Variants in PAPPA observed in about 807,000 individuals in gnomAD.
PAPPA encodes the protein pappalysin-1.
In PAPPA, 60 loss-of-function variants were observed where a neutral mutation model predicts 164.0. The ratio of observed to expected loss-of-function variants is 0.37; its 90% CI spans 0.30 to 0.45. The LOEUF (loss-of-function observed/expected upper bound fraction) is 0.45. PAPPA is among the 20% of genes least tolerant of loss of function. The pLI, the probability that PAPPA is intolerant of heterozygous loss-of-function variation, is 1.00. For synonymous variants in PAPPA, 875 were observed against 814.1 expected (o/e 1.07, Z -1.27); for missense variants, 1,782 against 2,087.3 (o/e 0.85, Z 2.85).
chr9:116,193,239 G>T lies in PAPPA; in HGVS notation c.1478+5023G>T, dbSNP rs189298627. Among the ~76,000 whole-genome samples, 7 of 152,120 alleles carry T rather than the reference G, an allele frequency of 4.6e-5. No individual in the cohort carries two copies. The East Asian group carries it at 1.4e-3, about 30-fold the overall frequency. On this transcript the variant is annotated intron_variant, in intron 2 of 21. Transcript: ENST00000328252. ...TGTTGTTGGAAGTCTCACAAAAGGGGCTGCGATAAGTCTTGAGGTCACCCC... is the reference window on the plus strand; with the variant it reads ...TGTTGTTGGAAGTCTCACAAAAGGGTCTGCGATAAGTCTTGAGGTCACCCC...
At chr9:116,172,719 A>G (rs1182899621) in intron 1 of PAPPA, among the ~76,000 whole-genome samples, 1 of 152,104 alleles carries the variant, frequency 6.6e-6, no homozygotes, top group Non-Finnish European at 1.5e-5. Flanking sequence ...TCAGTTCCTC[A>G]GCATCTTTTA....
chr9:116,360,956 T>G (rs1188402320), intron 17 of PAPPA, among the ~76,000 whole-genome samples: 1 of 152,196 alleles, frequency 6.6e-6, no homozygotes, highest in East Asian at 1.9e-4. Context: ...CAGGATGGGT[T>G]GTGCCAGATA....
chr9:116,339,387 G>A (rs182969769), intron 13 of PAPPA, among the ~76,000 whole-genome samples: 2 of 152,170 alleles, frequency 1.3e-5, no homozygotes, highest in African/African-American at 4.8e-5. Flanking sequence ...CTTGAACCCT[G>A]CAGGCTACTG....
chr9:116,322,269 G>T (rs1845866037), intron 10 of PAPPA, among the ~76,000 whole-genome samples: 1 of 152,084 alleles, frequency 6.6e-6, no homozygotes, highest in African/African-American at 2.4e-5. Context: ...AATTAGCTGG[G>T]TGTGGTGGCA....
intron 1 of PAPPA, among the ~76,000 whole-genome samples, chr9:116,155,416 C>A (rs1564168646): frequency 6.6e-6 from 1 of 152,250 alleles, no homozygotes; most frequent in Non-Finnish European, 1.5e-5. Flanking sequence ...CTCCAGCATC[C>A]ATTTTCCCCC....
Position 116,367,748 on chromosome 9 carries a change from G to A in PAPPA, c.4599G>A (p.Arg1533=), listed in dbSNP as rs1439062261. Residue 1533 remains arginine (R), a synonymous_variant, in exon 19 of 22, where the codon CGG becomes CGA. Coordinates refer to ENST00000328252, the MANE Select transcript of PAPPA (RefSeq NM_002581.5). ...RDIPHWLNPT[R]VERVVCTAGL... ...TCCCCCACTGGCTGAACCCCACACG[G>A]GTAGAGGTGAGTGACCAGGGACATC... is the stretch of plus-strand genomic sequence containing the variant. 1 of 1,610,748 alleles carries A rather than the reference G, an allele frequency of 6.2e-7. No homozygotes were observed. The highest frequency in any genetic ancestry group is 8.5e-7 in the Non-Finnish European group (1 of 1,177,136).
intron 4 of PAPPA, among the ~76,000 whole-genome samples, chr9:116,212,418 A>G (rs1467856241): frequency 2.0e-5 from 3 of 152,142 alleles, no homozygotes; most frequent in Non-Finnish European, 4.4e-5. Context: ...TCCCTTTAGC[A>G]TGGGATACAT....
At chr9:116,335,151 C>A in intron 13 of PAPPA, 77 bp downstream of exon 13, 2 of 1,202,070 alleles carry the variant, frequency 1.7e-6, no homozygotes, top group Non-Finnish European at 1.2e-6. Context: ...GCTGGGTAGC[C>A]ATTTGTGTGG....
intron 13 of PAPPA, 23 bp from the exon 14 acceptor site, chr9:116,344,520 C>T (rs1846180990): frequency 6.2e-7 from 1 of 1,602,758 alleles, no homozygotes; most frequent in South Asian, 1.1e-5. Context: ...ACTCCTTCTT[C>T]CCCTCGTTTC....
chr9:116,245,164 G>A (rs1219787615), intron 7 of PAPPA, among the ~76,000 whole-genome samples: 3 of 151,626 alleles, frequency 2.0e-5, no homozygotes, highest in African/African-American at 7.3e-5. Flanking sequence ...AGAAGGGTGG[G>A]GGAATGGAAG....
intron 12 of PAPPA, 106 bp from the exon 13 acceptor site, chr9:116,334,755 A>G (rs891023904): frequency 1.8e-5 from 13 of 720,948 alleles, no homozygotes; most frequent in Non-Finnish European, 3.1e-5. Flanking sequence ...GCTTTTGTGC[A>G]GTGACATGAA....
intron 12 of PAPPA, chr9:116,332,782 C>A: frequency 4.5e-6 from 1 of 224,486 alleles, no homozygotes; most frequent in East Asian, 9.3e-5. Context: ...AGCCATTTCC[C>A]CGTTGTACAT....
rs143828524 is a variant in PAPPA, at chr9:116,308,596, G to A, written c.3147+5646G>A. 1.9e-3 allele frequency among the ~76,000 whole-genome samples: 292 copies of A among 152,288 alleles called. 7 individuals are homozygous for A. In the East Asian group the frequency reaches 0.048, roughly 25 times the overall value. Reference sequence around the variant, plus strand: ...GTTCATAATAGAAATACAGCTACAGGACCAGGCAGCTCAAGCCTGCTCCAA... The same window carrying A: ...GTTCATAATAGAAATACAGCTACAGAACCAGGCAGCTCAAGCCTGCTCCAA... On this transcript the variant is annotated intron_variant, in intron 10 of 21. Coordinates refer to ENST00000328252, the MANE Select transcript of PAPPA (RefSeq NM_002581.5).
At position 116,331,246 on chromosome 9, in the gene PAPPA, G is replaced by T. The variant is rs2118948441; in HGVS notation, c.3150G>T (p.Val1050=). The change falls in exon 11 of 22, where the codon GTG becomes GTT. Residue 1050 remains valine (V), a splice_region_variant and synonymous_variant. Transcript: ENST00000328252. ...ATTTTTTCTTTATATTTTTCCAGGT[G>T]TGTCGAACCAAGGTGATAGATCTCA... is the stretch of plus-strand genomic sequence containing the variant. ...VIIGQPAASQ[V]CRTKVIDLSE... is the part of the protein sequence containing the mutation. The T allele has an allele frequency of 1.3e-6, 2 of 1,574,430 alleles. No individual in the cohort carries two copies. The highest frequency in any genetic ancestry group is 1.7e-4 in the Middle Eastern group (1 of 5,986).
chr9:116,376,164 G>T (rs547373556), intron 19 of PAPPA, among the ~76,000 whole-genome samples: 7 of 151,966 alleles, frequency 4.6e-5, no homozygotes, highest in African/African-American at 1.5e-4. Context: ...GGGACTACAG[G>T]CATATGCCAC....
intron 7 of PAPPA, among the ~76,000 whole-genome samples, chr9:116,246,681 A>G (rs1176682246): frequency 1.3e-5 from 2 of 152,168 alleles, no homozygotes; most frequent in Non-Finnish European, 2.9e-5. Context: ...GAGTCTAGAC[A>G]TTGAAGTCAA....
At chr9:116,272,395 C>T (rs747825665) in intron 9 of PAPPA, among the ~76,000 whole-genome samples, 4 of 152,300 alleles carry the variant, frequency 2.6e-5, no homozygotes, top group Non-Finnish European at 5.9e-5. Flanking sequence ...CACTGACAGG[C>T]AATTTTCTAG....
chr9:116,322,544 T>C (rs1164678640), intron 10 of PAPPA, among the ~76,000 whole-genome samples: 1 of 152,118 alleles, frequency 6.6e-6, no homozygotes, highest in Non-Finnish European at 1.5e-5. Flanking sequence ...ACCTGGGCCA[T>C]TCTGTGTCCA....
chr9:116,262,923 G>A (rs1026790385), intron 7 of PAPPA, among the ~76,000 whole-genome samples: 1 of 152,192 alleles, frequency 6.6e-6, no homozygotes, highest in African/African-American at 2.4e-5. Context: ...TGAGAAAAGA[G>A]CCCTCATTTA....
Sources: gnomAD v4.1 joint callset for allele counts (sites outside exome capture counted in the v4.1 genomes callset) on GRCh38, gnomAD v4.1.1 for gene constraint, MANE v1.5 for transcripts, NCBI Gene and HGNC (gene_info 2026-07-23, HGNC 2026-07-21) for gene names.